PTPRG: variants seen among roughly 807,000 people sequenced by gnomAD.
PTPRG encodes the protein receptor-type tyrosine-protein phosphatase gamma.
Under a neutral mutation model 165.3 loss-of-function variants are expected in PTPRG, and 102 were observed. That is an observed-to-expected ratio of 0.62 (90% CI 0.53 to 0.73). The LOEUF is 0.73. Ranked by LOEUF, PTPRG falls within the 30% of genes least tolerant of loss-of-function variation. The pLI is 0.00. For synonymous variants in PTPRG, 675 were observed against 669.5 expected, an observed-to-expected ratio of 1.01 and a Z score of -0.13; for missense variants, 1,866 against 1,861.4, an observed-to-expected ratio of 1.00 and a Z score of -0.05.
At chr3:61,697,628 T>G (rs1575595736) in intron 1 of PTPRG, among the ~76,000 whole-genome samples, 1 of 152,220 alleles carries the variant, frequency 6.6e-6, no homozygotes, top group Non-Finnish European at 1.5e-5. Context: ...GCAGTTCTGC[T>G]CCTTACCTTC....
intron 7 of PTPRG, among the ~76,000 whole-genome samples, chr3:62,160,198 G>A (rs200402147): frequency 3.9e-4 from 59 of 152,132 alleles, no homozygotes; most frequent in Non-Finnish European, 7.8e-4. Context: ...GAAATATAAC[G>A]GTTAGCACAA....
chr3:62,123,631 A>C (rs1443595590), intron 5 of PTPRG, among the ~76,000 whole-genome samples: 1 of 152,176 alleles, frequency 6.6e-6, no homozygotes, highest in African/African-American at 2.4e-5. Flanking sequence ...AACTTTTATA[A>C]AAAGTTTATC....
intron 1 of PTPRG, among the ~76,000 whole-genome samples, chr3:61,608,010 A>AT (rs944779582): frequency 1.8e-4 from 27 of 150,914 alleles, no homozygotes; most frequent in East Asian, 3.9e-4. Context: ...TCCAATTTTT[A>AT]TTTTTTTTTA....
At chr3:61,960,172 T>A (rs1428468449) in intron 2 of PTPRG, among the ~76,000 whole-genome samples, 1 of 152,052 alleles carries the variant, frequency 6.6e-6, no homozygotes. Context: ...TTCATACCTT[T>A]CTCCCCCACT....
rs746940615 is a variant in PTPRG at position 62,267,506 on chromosome 3, G to A, written c.2739+14G>A. On this transcript the variant is annotated intron_variant, in intron 18 of 29. Transcript: ENST00000474889. ...AACTATGTTGATGTAAGTCAGAACT[G>A]TTATTATAAACCTGTTTCTAGAAAT... 15 of 1,594,090 alleles carry A rather than the reference G, an allele frequency of 9.4e-6. No homozygotes were observed. Among genetic ancestry groups the A allele is most frequent in the Non-Finnish European group, 1.2e-5 (14 of 1,165,960 alleles).
intron 1 of PTPRG, among the ~76,000 whole-genome samples, chr3:61,737,234 G>C (rs916728396): frequency 2.0e-5 from 3 of 151,772 alleles, no homozygotes; most frequent in African/African-American, 7.3e-5. Flanking sequence ...TATTCTCTGT[G>C]GCTGTATCAT....
intron 1 of PTPRG, among the ~76,000 whole-genome samples, chr3:61,678,708 CCCAGACGTGT>C (rs1171179814): frequency 6.6e-6 from 1 of 152,130 alleles, no homozygotes; most frequent in African/African-American, 2.4e-5. Flanking sequence ...CAACCTACTT[CCCAGACGTGT>C]CATAATCATG....
At chr3:61,562,463 C>T (rs1699782976) in intron 1 of PTPRG, 91 bp downstream of exon 1, 1 of 1,256,292 alleles carries the variant, frequency 8.0e-7, no homozygotes, top group Non-Finnish European at 1.2e-6. Context: ...CGGCGCCCGT[C>T]CGGGAGACCC....
intron 29 of PTPRG, 177 bp downstream of exon 29, chr3:62,292,733 C>T (rs1702944485): frequency 1.5e-6 from 1 of 661,146 alleles, no homozygotes; most frequent in Non-Finnish European, 2.5e-6. Context: ...GGATACAAGC[C>T]AGAGATGCTG....
intron 2 of PTPRG, among the ~76,000 whole-genome samples, chr3:61,927,398 T>G (rs551009212): frequency 6.6e-6 from 1 of 152,266 alleles, no homozygotes; most frequent in African/African-American, 2.4e-5. Context: ...TTAACTGGTG[T>G]GCTGTTTTGA....
chr3:61,562,840 C>T (rs1341927497), intron 1 of PTPRG, among the ~76,000 whole-genome samples: 3 of 152,122 alleles, frequency 2.0e-5, no homozygotes, highest in South Asian at 2.1e-4. Flanking sequence ...CTTTGCTGTT[C>T]TCCATCCCTT....
At chr3:62,166,023 C>G (rs559620853) in intron 7 of PTPRG, among the ~76,000 whole-genome samples, 1 of 151,980 alleles carries the variant, frequency 6.6e-6, no homozygotes, top group Non-Finnish European at 1.5e-5. Context: ...GACAGTCACT[C>G]AATGCACAGA....
At chr3:62,265,837 C>G (rs992146835) in intron 17 of PTPRG, among the ~76,000 whole-genome samples, 1 of 133,744 alleles carries the variant, frequency 7.5e-6, no homozygotes, top group Non-Finnish European at 1.6e-5. Context: ...CTTATATATA[C>G]ATACATACAT....
chr3:62,120,406 G>C (rs547501633), intron 5 of PTPRG, among the ~76,000 whole-genome samples: 7 of 152,340 alleles, frequency 4.6e-5, no homozygotes, highest in African/African-American at 1.7e-4. Context: ...ATAATTCCTA[G>C]GTTTGGGGAT....
intron 1 of PTPRG, among the ~76,000 whole-genome samples, chr3:61,746,445 T>A (rs2033210067): frequency 6.6e-6 from 1 of 152,034 alleles, no homozygotes; most frequent in Non-Finnish European, 1.5e-5. Context: ...CTAATTTTTT[T>A]ATTTTTTGTA....
chr3:61,832,918 C>T (rs113007908), intron 2 of PTPRG, among the ~76,000 whole-genome samples: 24 of 152,296 alleles, frequency 1.6e-4, no homozygotes, highest in African/African-American at 5.1e-4. Flanking sequence ...TTTGCATTCT[C>T]GTAGCTTGGC....
chr3:62,010,370 TTGTGTGTGTG>T (rs35894531), intron 4 of PTPRG, among the ~76,000 whole-genome samples: 1 of 149,464 alleles, frequency 6.7e-6, no homozygotes, highest in Non-Finnish European at 1.5e-5. Flanking sequence ...CCCTCTCTTC[TTGTGTGTGTG>T]TGTGTGTGTG....
intron 2 of PTPRG, among the ~76,000 whole-genome samples, chr3:61,909,808 A>G (rs2038755896): frequency 6.6e-6 from 1 of 152,242 alleles, no homozygotes; most frequent in Non-Finnish European, 1.5e-5. Context: ...TATTGCTGCC[A>G]TGGTATTTGT....
chr3:61,811,132 T>C (rs2035560698), intron 2 of PTPRG, among the ~76,000 whole-genome samples: 1 of 148,492 alleles, frequency 6.7e-6, no homozygotes. Flanking sequence ...GACATCTCAC[T>C]TCTGGCTGAA....
Sources: gnomAD v4.1 joint callset for allele counts (sites outside exome capture counted in the v4.1 genomes callset) on GRCh38, gnomAD v4.1.1 for gene constraint, MANE v1.5 for transcripts, NCBI Gene and HGNC (gene_info 2026-07-23, HGNC 2026-07-21) for gene names.